RASGRF2: variants seen among roughly 807,000 people sequenced by gnomAD.
The protein encoded by RASGRF2 is Ras protein specific guanine nucleotide releasing factor 2.
In RASGRF2, 76 loss-of-function variants were observed where a neutral mutation model predicts 151.0. That is an observed-to-expected ratio of 0.50 (90% CI 0.42 to 0.61). RASGRF2 has a LOEUF of 0.61. Among genes scored for constraint, RASGRF2 ranks in the 20% least tolerant of loss-of-function variants. The pLI, the probability that RASGRF2 is intolerant of heterozygous loss-of-function variation, is 0.00. For synonymous variants in RASGRF2, 504 were observed against 566.5 expected, an observed-to-expected ratio of 0.89 and a Z score of 1.57; for missense variants, 1,148 against 1,564.6, an observed-to-expected ratio of 0.73 and a Z score of 4.49.
chr5:81,184,572 G>A (rs1341478061), intron 18 of RASGRF2, among the ~76,000 whole-genome samples: 1 of 152,254 alleles, frequency 6.6e-6, no homozygotes, highest in Non-Finnish European at 1.5e-5. Flanking sequence ...TGTGTCTGCA[G>A]ATTACCACTG....
At chr5:80,975,270 C>T (rs1194310362) in intron 1 of RASGRF2, among the ~76,000 whole-genome samples, 1 of 151,956 alleles carries the variant, frequency 6.6e-6, no homozygotes, top group African/African-American at 2.4e-5. Context: ...CCTTGCTGCT[C>T]ATGTCTTGGC....
chr5:81,060,124 G>A (rs1751373563), intron 2 of RASGRF2, among the ~76,000 whole-genome samples: 1 of 152,134 alleles, frequency 6.6e-6, no homozygotes, highest in African/African-American at 2.4e-5. Flanking sequence ...ACAGCATGAA[G>A]CCATGAGGGA....
At chr5:81,191,352 C>A (rs1755150023) in intron 18 of RASGRF2, among the ~76,000 whole-genome samples, 1 of 152,038 alleles carries the variant, frequency 6.6e-6, no homozygotes. Context: ...GATGCTACTT[C>A]CTGTAACTCT....
At chr5:80,999,032 A>ATCTCTTTT (rs1335276649) in intron 1 of RASGRF2, among the ~76,000 whole-genome samples, 2 of 151,922 alleles carry the variant, frequency 1.3e-5, no homozygotes, top group African/African-American at 4.8e-5. Flanking sequence ...TTATTGTACT[A>ATCTCTTTT]TCTCTTTTTC....
rs529453953 is a variant in RASGRF2, at chr5:81,085,699, G to A, written c.1162-103G>A. 1.1e-4 allele frequency: 162 copies of A among 1,517,456 alleles called. No homozygotes were observed. The Admixed American group carries it at 2.7e-3, about 25-fold the overall frequency. 94.0% of individuals were successfully genotyped at this position (1,517,456 alleles called of 1,614,324 possible). A position where few individuals can be genotyped will look rare whatever the true frequency, so the allele number is the denominator to read the frequency against. ...AAAATGTGTAAAACAGTAAAAAGTG[G>A]GAGAGTAGAGACAAGCTTCTCGAAG... On this transcript the variant is annotated intron_variant, in intron 7 of 26. Coordinates refer to ENST00000265080, the MANE Select transcript of RASGRF2 (RefSeq NM_006909.3).
chr5:81,116,621 G>A (rs1180807560), intron 15 of RASGRF2, among the ~76,000 whole-genome samples: 1 of 152,064 alleles, frequency 6.6e-6, no homozygotes, highest in Non-Finnish European at 1.5e-5. Flanking sequence ...ATTGTTGAAC[G>A]ACAGACCTCT....
chr5:81,182,371 A>G (rs1754935733), intron 18 of RASGRF2, among the ~76,000 whole-genome samples: 1 of 152,156 alleles, frequency 6.6e-6, no homozygotes, highest in African/African-American at 2.4e-5. Context: ...CTGGTTATCA[A>G]TGCCCTGGTG....
intron 1 of RASGRF2, among the ~76,000 whole-genome samples, chr5:80,976,758 T>C (rs553481111): frequency 6.6e-6 from 1 of 152,312 alleles, no homozygotes. Flanking sequence ...ACCTTGCCTA[T>C]GGTACAGCTC....
intron 4 of RASGRF2, 45 bp from the exon 5 acceptor site, chr5:81,073,154 A>G (rs1174800740): frequency 1.3e-6 from 2 of 1,553,178 alleles, no homozygotes; most frequent in East Asian, 2.3e-5. Flanking sequence ...TAAATAAATC[A>G]CCATTGTAAC....
intron 17 of RASGRF2, among the ~76,000 whole-genome samples, chr5:81,162,548 ATT>A (rs1754410612): frequency 6.7e-6 from 1 of 149,106 alleles, no homozygotes; most frequent in African/African-American, 2.5e-5. Flanking sequence ...GGGTTTCACC[ATT>A]TTGGTCAGGC....
intron 12 of RASGRF2, among the ~76,000 whole-genome samples, chr5:81,097,523 A>G (rs141428368): frequency 5.4e-4 from 83 of 152,328 alleles, no homozygotes; most frequent in African/African-American, 1.9e-3. Context: ...ACTATTTTAT[A>G]TTAGAAGGTA....
intron 2 of RASGRF2, among the ~76,000 whole-genome samples, chr5:81,067,263 A>G (rs1378408418): frequency 6.6e-6 from 1 of 152,216 alleles, no homozygotes; most frequent in Non-Finnish European, 1.5e-5. Flanking sequence ...GGGAAAGATG[A>G]TATGCATGGA....
At chr5:81,118,805 A>G (rs901923662) in intron 15 of RASGRF2, among the ~76,000 whole-genome samples, 4 of 152,060 alleles carry the variant, frequency 2.6e-5, no homozygotes, top group African/African-American at 9.7e-5. Context: ...TTCTTCCACC[A>G]GGTATCCTAG....
intron 17 of RASGRF2, among the ~76,000 whole-genome samples, chr5:81,134,079 CGT>C (rs139770057): frequency 2.3e-3 from 324 of 143,726 alleles, no homozygotes; most frequent in African/African-American, 3.6e-3. Context: ...TGCTTGTGTG[CGT>C]GTGTGTGTGT....
At chr5:81,211,198 C>T (rs1755623867) in intron 22 of RASGRF2, among the ~76,000 whole-genome samples, 1 of 151,582 alleles carries the variant, frequency 6.6e-6, no homozygotes, top group South Asian at 2.1e-4. Flanking sequence ...CTAGAAGCCT[C>T]CTCTGTACTA....
At position 81,021,559 on chromosome 5, in the gene RASGRF2, C is replaced by CGTGT. The variant is rs34148067; in HGVS notation, c.289-21299_289-21296dup. Among the ~76,000 whole-genome samples the CGTGT allele has an allele frequency of 1.6e-3, 235 of 150,158 alleles. 1 individual carries two copies. The highest frequency in any genetic ancestry group is 5.2e-3 in the African/African-American group (211 of 40,876). On this transcript the variant is annotated intron_variant, in intron 1 of 26. Transcript: ENST00000265080. ...TCACATGTTCTTGAGATTGTGCGAG[C>CGTGT]GTGTGTGTGTGTGTGTGTGTGTCTA...
rs531363420 is a variant in RASGRF2 at position 81,089,333 on chromosome 5, T to C, written c.1390+2380T>C. On this transcript the variant is annotated intron_variant, in intron 9 of 26. Transcript: ENST00000265080. ...AGGGATGATATGTGGTCTATTTCTA[T>C]GTGCGTGTGTGTGTGTGTGCATGCG... Among the ~76,000 whole-genome samples the C allele has an allele frequency of 1.6e-4, 25 of 152,274 alleles. 1 individual carries two copies. The South Asian group carries it at 4.8e-3, about 29-fold the overall frequency.
chr5:81,046,003 G>T (rs1239791183), intron 2 of RASGRF2, among the ~76,000 whole-genome samples: 1 of 152,076 alleles, frequency 6.6e-6, no homozygotes, highest in Non-Finnish European at 1.5e-5. Context: ...ACAGTCTGAT[G>T]GCATTAATTC....
chr5:80,973,951 T>C (rs1289614008), intron 1 of RASGRF2, among the ~76,000 whole-genome samples: 3 of 152,280 alleles, frequency 2.0e-5, no homozygotes, highest in South Asian at 2.1e-4. Context: ...TAAGGCAGCA[T>C]TGATAGCCCT....
Sources: allele counts gnomAD v4.1 joint callset (sites outside exome capture counted in the v4.1 genomes callset), GRCh38; gene constraint gnomAD v4.1.1; transcripts MANE v1.5; gene names NCBI Gene and HGNC (gene_info 2026-07-23, HGNC 2026-07-21).